ATP9A: variants seen among roughly 807,000 people sequenced by gnomAD.
ATP9A encodes ATPase phospholipid transporting 9A, also known as probable phospholipid-transporting ATPase IIA.
In ATP9A, 52 loss-of-function variants were observed where a neutral mutation model predicts 144.1. The ratio of observed to expected loss-of-function variants is 0.36; its 90% CI spans 0.29 to 0.45. The LOEUF is 0.45. Among genes scored for constraint, ATP9A ranks in the 20% least tolerant of loss-of-function variants. ATP9A has a pLI of 1.00. For synonymous variants in ATP9A, 582 were observed against 557.4 expected (o/e 1.04, Z -0.62); for missense variants, 947 against 1,392.7 (o/e 0.68, Z 5.09).
At chr20:51,716,051 G>C (rs1398916233) in intron 3 of ATP9A, among the ~76,000 whole-genome samples, 1 of 152,114 alleles carries the variant, frequency 6.6e-6, no homozygotes, top group Non-Finnish European at 1.5e-5. Flanking sequence ...GATAGGAACA[G>C]GCACTGGGGA....
intron 1 of ATP9A, among the ~76,000 whole-genome samples, chr20:51,764,077 G>A (rs1363118851): frequency 1.3e-5 from 2 of 152,120 alleles, no homozygotes; most frequent in Non-Finnish European, 2.9e-5. Context: ...AACACCTAAG[G>A]CATACTGAGC....
chr20:51,707,128 GC>G (rs2077617798), intron 4 of ATP9A, among the ~76,000 whole-genome samples: 2 of 152,272 alleles, frequency 1.3e-5, no homozygotes, highest in Middle Eastern at 6.8e-3. Flanking sequence ...ACCAGGGCAT[GC>G]CATCTGGGTC....
At chr20:51,741,165 C>A (rs2077783794) in intron 1 of ATP9A, among the ~76,000 whole-genome samples, 1 of 152,096 alleles carries the variant, frequency 6.6e-6, no homozygotes, top group African/African-American at 2.4e-5. Context: ...ACAGAACATT[C>A]CATCATGGCT....
intron 9 of ATP9A, among the ~76,000 whole-genome samples, chr20:51,684,182 C>A (rs533246631): frequency 2.0e-5 from 3 of 152,084 alleles, no homozygotes; most frequent in African/African-American, 7.2e-5. Context: ...AAGACCCTGT[C>A]TTGAAATGAA....
intron 1 of ATP9A, among the ~76,000 whole-genome samples, chr20:51,749,339 T>C (rs1381822775): frequency 5.3e-5 from 8 of 152,126 alleles, no homozygotes; most frequent in African/African-American, 1.7e-4. Context: ...CTCGGCTCAC[T>C]GCAACCTCCG....
intron 9 of ATP9A, among the ~76,000 whole-genome samples, chr20:51,678,383 G>T (rs536264419): frequency 6.6e-6 from 1 of 152,276 alleles, no homozygotes; most frequent in East Asian, 1.9e-4. Context: ...CTGCAGTAAA[G>T]AGCCCGCCCC....
rs563346034 is a variant in ATP9A, at chr20:51,763,888, G to A, written c.68+4414C>T. Among the ~76,000 whole-genome samples the A allele has an allele frequency of 6.6e-5, 10 of 152,152 alleles. No homozygotes were observed. In the East Asian group the frequency reaches 1.2e-3, roughly 18 times the overall value. ...TGCCACAACATCACACCAGGGCCTC[G>A]ACATACCTGGACAGAATGCTCTACA... On this transcript the variant is annotated intron_variant, in intron 1 of 27. Transcript: ENST00000338821.
intron 4 of ATP9A, among the ~76,000 whole-genome samples, chr20:51,703,409 A>C (rs2181875): frequency 0.12 from 18,268 of 152,206 alleles, 1,163 homozygotes; most frequent in South Asian, 0.19. Context: ...AGATTTTTGC[A>C]AAAGTTAAGC....
chr20:51,704,182 T>TAAAAA (rs11086355), intron 4 of ATP9A, among the ~76,000 whole-genome samples: 4 of 130,500 alleles, frequency 3.1e-5, no homozygotes, highest in African/African-American at 2.8e-5. Context: ...AGTGGGAACT[T>TAAAAA]AAAAAAAAAA....
At chr20:51,661,974 G>T (rs1477928452) in intron 13 of ATP9A, among the ~76,000 whole-genome samples, 3 of 152,154 alleles carry the variant, frequency 2.0e-5, no homozygotes, top group Admixed American at 1.3e-4. Context: ...GGTCATGTCT[G>T]GAGACATAAT....
chr20:51,668,909 G>A (rs6013246), intron 13 of ATP9A, among the ~76,000 whole-genome samples: 111,143 of 152,182 alleles, frequency 0.73, 41,630 homozygotes, highest in Middle Eastern at 0.83. Context: ...TTAAATGTCA[G>A]TTATGACCGT....
chr20:51,701,757 G>C (rs968795850), intron 4 of ATP9A, among the ~76,000 whole-genome samples: 1 of 152,130 alleles, frequency 6.6e-6, no homozygotes, highest in African/African-American at 2.4e-5. Context: ...GATGAGCCTC[G>C]GATCTGCAGC....
intron 9 of ATP9A, among the ~76,000 whole-genome samples, chr20:51,684,596 T>C (rs1467558228): frequency 1.4e-5 from 2 of 147,866 alleles, no homozygotes; most frequent in African/African-American, 5.1e-5. Flanking sequence ...CTGGGGAGGC[T>C]GAGGCAGGAG....
At chr20:51,627,740 G>GTCCTTCCCCA in intron 16 of ATP9A, 57 bp from the exon 17 acceptor site, 2 of 1,458,542 alleles carry the variant, frequency 1.4e-6, no homozygotes, top group Non-Finnish European at 1.9e-6. Flanking sequence ...GACCTCACTG[G>GTCCTTCCCCA]GGAAGGACCA....
chr20:51,758,856 C>T (rs545493276), intron 1 of ATP9A, among the ~76,000 whole-genome samples: 1 of 152,038 alleles, frequency 6.6e-6, no homozygotes, highest in East Asian at 1.9e-4. Flanking sequence ...ACTCGGGAGG[C>T]GGAGGTTCCA....
At chr20:51,666,474 A>T (rs2077433309) in intron 13 of ATP9A, among the ~76,000 whole-genome samples, 1 of 152,078 alleles carries the variant, frequency 6.6e-6, no homozygotes, top group Non-Finnish European at 1.5e-5. Flanking sequence ...TGAGGTCAGG[A>T]GTTTGAGACC....
chr20:51,701,282 A>G (rs2077592201), intron 4 of ATP9A, among the ~76,000 whole-genome samples: 1 of 152,246 alleles, frequency 6.6e-6, no homozygotes, highest in Non-Finnish European at 1.5e-5. Context: ...AGGACAGAGG[A>G]CAAAATCAGG....
intron 1 of ATP9A, among the ~76,000 whole-genome samples, chr20:51,753,841 T>G (rs988254596): frequency 1.0e-4 from 15 of 148,916 alleles, no homozygotes; most frequent in Non-Finnish European, 2.1e-4. Flanking sequence ...TAATTTTGGT[T>G]TTTTTTTTTC....
intron 24 of ATP9A, among the ~76,000 whole-genome samples, chr20:51,609,410 G>A (rs2077176585): frequency 6.6e-6 from 1 of 152,038 alleles, no homozygotes. Flanking sequence ...TGACCTTCCC[G>A]CACCCGCCGT....
Sources: allele counts gnomAD v4.1 joint callset (sites outside exome capture counted in the v4.1 genomes callset), GRCh38; gene constraint gnomAD v4.1.1; transcripts MANE v1.5; gene names NCBI Gene and HGNC (gene_info 2026-07-23, HGNC 2026-07-21).